The following PGRMC2 variants were observed in gnomAD, a reference collection of about 807,000 sequenced individuals.
PGRMC2 encodes the protein membrane-associated progesterone receptor component 2.
A neutral mutation model predicts 19.3 loss-of-function variants in PGRMC2; 9 were observed. The observed-to-expected ratio is 0.47, with a 90% CI of 0.28 to 0.81. PGRMC2 has a LOEUF of 0.81. Among genes scored for constraint, PGRMC2 ranks in the 40% least tolerant of loss-of-function variants. PGRMC2 has a pLI of 0.11. For missense variants in PGRMC2, 289 were observed against 297.3 expected (o/e 0.97, Z 0.21); for synonymous variants, 157 against 124.6 (o/e 1.26, Z -1.73).
At chr4:128,283,082 T>C (rs1043770379) in intron 1 of PGRMC2, among the ~76,000 whole-genome samples, 3 of 152,226 alleles carry the variant, frequency 2.0e-5, no homozygotes, top group African/African-American at 7.2e-5. Context: ...GTGTATAATT[T>C]TTTGCCATTC....
intron 1 of PGRMC2, among the ~76,000 whole-genome samples, chr4:128,280,460 G>A (rs1339368636): frequency 6.7e-6 from 1 of 148,518 alleles, no homozygotes; most frequent in African/African-American, 2.5e-5. Context: ...TAGTAAAATA[G>A]CAAAACCCCA....
intron 1 of PGRMC2, among the ~76,000 whole-genome samples, chr4:128,285,606 A>C (rs1307765459): frequency 6.6e-6 from 1 of 152,200 alleles, no homozygotes; most frequent in East Asian, 1.9e-4. Context: ...AGGGTACAAA[A>C]GCTGATCTTT....
intron 1 of PGRMC2, among the ~76,000 whole-genome samples, chr4:128,282,644 G>A (rs1413837448): frequency 6.6e-6 from 1 of 152,202 alleles, no homozygotes; most frequent in African/African-American, 2.4e-5. Context: ...AGATGCATAT[G>A]GGCATTAGCC....
rs909276387 is a variant in PGRMC2, at chr4:128,271,056, C to G, written c.*260G>C. The stretch of plus-strand genomic sequence containing the variant: ...AAGAAGTAATATTGTGACTTTCTTG[C>G]TCTTTAAAAAAATCCCTGTCTCCTT... On this transcript the variant is annotated 3_prime_UTR_variant, in exon 3 of 3. Transcript: ENST00000296425. 5 of 298,538 alleles carry G rather than the reference C, an allele frequency of 1.7e-5. No homozygotes were observed. The highest frequency in any genetic ancestry group is 3.1e-5 in the Non-Finnish European group (5 of 163,260). 18.5% of individuals were successfully genotyped at this position (298,538 alleles called of 1,614,324 possible). A position where few individuals can be genotyped will look rare whatever the true frequency, so the allele number is the denominator to read the frequency against.
chr4:128,272,584 T>TA (rs5861848), intron 1 of PGRMC2, 67 bp from the exon 2 acceptor site: 14,727 of 333,738 alleles, frequency 0.044, 111 homozygotes, highest in African/African-American at 0.081. Context: ...AAGGAAAAAG[T>TA]AAAAAAAAAA....
Position 128,274,279 on chromosome 4 carries a change from C to A in PGRMC2, c.419-1762G>T, listed in dbSNP as rs992249184. ...GTGGCTCATGCCTGTAATCCCAACT[C>A]TGTGGCAGCAGTGTTGAGGTCAGCA... On this transcript the variant is annotated intron_variant, in intron 1 of 2. Transcript: ENST00000296425. Among the ~76,000 whole-genome samples, 4 of 152,076 alleles carry A rather than the reference C, an allele frequency of 2.6e-5. No individual in the cohort carries two copies. In the East Asian group the frequency reaches 7.7e-4, roughly 29 times the overall value.
intron 1 of PGRMC2, among the ~76,000 whole-genome samples, chr4:128,282,181 A>T (rs2110563502): frequency 6.6e-6 from 1 of 152,264 alleles, no homozygotes; most frequent in South Asian, 2.1e-4. Flanking sequence ...TCATCTCTTA[A>T]GCTTTTACTG....
At chr4:128,283,654 A>G (rs571573396) in intron 1 of PGRMC2, among the ~76,000 whole-genome samples, 15 of 127,922 alleles carry the variant, frequency 1.2e-4, no homozygotes, top group Non-Finnish European at 2.3e-4. Flanking sequence ...TAAAGCCATA[A>G]AAGCATTTTT....
chr4:128,275,218 G>A (rs1375927286), intron 1 of PGRMC2, among the ~76,000 whole-genome samples: 1 of 151,990 alleles, frequency 6.6e-6, no homozygotes, highest in African/African-American at 2.4e-5. Context: ...TATCTCCATG[G>A]CCTGCAAACA....
chr4:128,280,422 A>C (rs971566434), intron 1 of PGRMC2, among the ~76,000 whole-genome samples: 6 of 151,728 alleles, frequency 4.0e-5, no homozygotes, highest in African/African-American at 1.5e-4. Context: ...CATGGTAAAT[A>C]AAATCAAATC....
chr4:128,269,598 G>A lies in PGRMC2; in HGVS notation c.*1718C>T, dbSNP rs1317601266. ...TTACATACTTTAGCTTATTGTTGCA[G>A]TTAAAAGCTCCCCCTTGTTTGATGG... is the stretch of plus-strand genomic sequence containing the variant. On this transcript the variant is annotated 3_prime_UTR_variant, in exon 3 of 3. Transcript: ENST00000296425. 2 of 152,186 alleles carry A rather than the reference G, an allele frequency of 1.3e-5. No individual in the cohort carries two copies. The highest frequency in any genetic ancestry group is 2.4e-5 in the African/African-American group (1 of 41,452). 9.4% of individuals were successfully genotyped at this position (152,186 alleles called of 1,614,324 possible). A position where few individuals can be genotyped will look rare whatever the true frequency, so the allele number is the denominator to read the frequency against.
intron 1 of PGRMC2, 200 bp downstream of exon 1, chr4:128,287,173 A>ATTCTT: frequency 2.0e-6 from 1 of 511,048 alleles, no homozygotes; most frequent in Non-Finnish European, 3.4e-6. Context: ...TCGGGGGAAG[A>ATTCTT]ACTGGAGGTG....
chr4:128,285,687 C>T (rs1760972831), intron 1 of PGRMC2, among the ~76,000 whole-genome samples: 1 of 152,060 alleles, frequency 6.6e-6, no homozygotes, highest in Admixed American at 6.5e-5. Flanking sequence ...CATTTTAATA[C>T]CAATGGGGGA....
At chr4:128,273,730 C>A (rs1483841675) in intron 1 of PGRMC2, among the ~76,000 whole-genome samples, 1 of 152,138 alleles carries the variant, frequency 6.6e-6, no homozygotes, top group South Asian at 2.1e-4. Flanking sequence ...AGTCTCTGTA[C>A]CTTCTGAGAG....
chr4:128,282,297 T>C (rs1304733276), intron 1 of PGRMC2, among the ~76,000 whole-genome samples: 2 of 152,210 alleles, frequency 1.3e-5, no homozygotes, highest in Admixed American at 1.3e-4. Context: ...ACAGGAGTTA[T>C]ACAGTCATGT....
chr4:128,272,584 T>TAAAAAAAAAAAAAAAAAAAAAAAA (rs5861848), intron 1 of PGRMC2, 67 bp from the exon 2 acceptor site: 4 of 318,668 alleles, frequency 1.3e-5, no homozygotes, highest in Non-Finnish European at 1.9e-5. Flanking sequence ...AAGGAAAAAG[T>TAAAAAAAAAAAAAAAAAAAAAAAA]AAAAAAAAAA....
At chr4:128,279,718 G>A (rs1042288235) in intron 1 of PGRMC2, among the ~76,000 whole-genome samples, 2 of 152,112 alleles carry the variant, frequency 1.3e-5, no homozygotes, top group South Asian at 4.1e-4. Context: ...TCTCTATACT[G>A]ATGTCAAAGG....
At position 128,287,509 on chromosome 4, in the gene PGRMC2, A is replaced by C. The variant is rs1175878982; in HGVS notation, c.282T>G (p.Ser94=). 3 of 1,610,768 alleles carry C rather than the reference A, an allele frequency of 1.9e-6. No individual in the cohort carries two copies. The highest frequency in any genetic ancestry group is 2.5e-6 in the Non-Finnish European group (3 of 1,178,784). ...AGAGEESPAT[S]LPRMKKRDFS... is the part of the protein sequence containing the mutation. ...AGTCCCGCTTCTTCATGCGAGGCAG[A>C]GAGGTGGCGGGGCTCTCCTCGCCCG... Residue 94 remains serine, a synonymous_variant, in exon 1 of 3, where the codon TCT becomes TCG. Transcript: ENST00000296425.
Position 128,287,554 on chromosome 4 carries a change from A to AAC in PGRMC2, c.236_237insGT (p.Leu80PhefsTer20). 2.2e-6 allele frequency: 2 copies of AAC among 924,842 alleles called. No individual in the cohort carries two copies. Among genetic ancestry groups the AAC allele is most frequent in the Non-Finnish European group, 3.0e-6 (2 of 673,000 alleles). The allele number at this position is 924,842 out of a possible 1,614,324, so 57.3% of individuals were successfully genotyped here. A position where few individuals can be genotyped will look rare whatever the true frequency, so the allele number is the denominator to read the frequency against. ...CGCCCGCCCCGGCCCCGGCCCCCAG[A>AAC]CCCCGCCGCCCCCAGCGCACCCACA... On this transcript the variant is annotated frameshift_variant, in exon 1 of 3. Coordinates refer to ENST00000296425, the MANE Select transcript of PGRMC2 (RefSeq NM_006320.6). LOFTEE classifies it high-confidence loss of function.
Sources: gnomAD v4.1 joint callset for allele counts (sites outside exome capture counted in the v4.1 genomes callset) on GRCh38, gnomAD v4.1.1 for gene constraint, MANE v1.5 for transcripts, NCBI Gene and HGNC (gene_info 2026-07-23, HGNC 2026-07-21) for gene names.